STEAP1B: variants seen among roughly 807,000 people sequenced by gnomAD.
STEAP1B encodes the protein STEAP family protein MGC87042.
STEAP1B carries 13 observed loss-of-function variants against 27.9 expected under a neutral mutation model. That is an observed-to-expected ratio of 0.47 (90% confidence interval 0.30 to 0.74). STEAP1B has a LOEUF of 0.74. STEAP1B is among the 30% of genes least tolerant of loss of function. The pLI, the probability that STEAP1B is intolerant of heterozygous loss-of-function variation, is 0.06. For missense variants in STEAP1B, 250 were observed against 298.7 expected, an observed-to-expected ratio of 0.84 and a Z score of 1.20; for synonymous variants, 86 against 107.1, an observed-to-expected ratio of 0.80 and a Z score of 1.22.
intron 4 of STEAP1B, among the ~76,000 whole-genome samples, chr7:22,435,741 G>C (rs961400220): frequency 1.3e-5 from 2 of 152,236 alleles, no homozygotes; most frequent in Non-Finnish European, 2.9e-5. Flanking sequence ...ACCGTGGGCA[G>C]AGAGGTAAAG....
At chr7:22,425,616 T>TC (rs1375800116) in intron 4 of STEAP1B, among the ~76,000 whole-genome samples, 2 of 152,220 alleles carry the variant, frequency 1.3e-5, no homozygotes, top group Non-Finnish European at 2.9e-5. Context: ...TACAGACTGT[T>TC]TCCTGTTACA....
rs529028054 is a variant in STEAP1B at position 22,487,939 on chromosome 7, T to C, written c.762+4626A>G. On this transcript the variant is annotated intron_variant, in intron 4 of 4. Transcript: ENST00000678116. Reference sequence around the variant, plus strand: ...TTATATTAGCATCTGTATCTCTGAATAATTGAAATCAGGACTGCCCCCAGA... The same window carrying C: ...TTATATTAGCATCTGTATCTCTGAACAATTGAAATCAGGACTGCCCCCAGA... Among the ~76,000 whole-genome samples, 136 of 152,006 alleles carry C rather than the reference T, an allele frequency of 8.9e-4. 1 individual carries two copies. The highest frequency in any genetic ancestry group is 3.0e-3 in the African/African-American group (126 of 41,422).
chr7:22,419,516 T>C lies in STEAP1B; in HGVS notation c.*288A>G, dbSNP rs1583623988. The C allele has an allele frequency of 3.9e-6, 1 of 256,574 alleles. No homozygotes were observed. Among genetic ancestry groups the C allele is most frequent in the Non-Finnish European group, 7.4e-6 (1 of 135,066 alleles). 15.9% of individuals were successfully genotyped at this position (256,574 alleles called of 1,614,324 possible). A position where few individuals can be genotyped will look rare whatever the true frequency, so the allele number is the denominator to read the frequency against. On this transcript the variant is annotated 3_prime_UTR_variant, in exon 5 of 5. Coordinates refer to ENST00000678116, the MANE Select transcript of STEAP1B (RefSeq NM_001382447.1). ...ACTTTATAAACACATTTGATTATCA[T>C]GTCTGATCCTCGTGTCGGGATAGGC...
intron 4 of STEAP1B, among the ~76,000 whole-genome samples, chr7:22,462,834 T>C (rs1011969237): frequency 3.1e-4 from 47 of 151,602 alleles, no homozygotes; most frequent in Middle Eastern, 6.9e-3. Flanking sequence ...TTGAACTAGT[T>C]TACAGTCCCA....
intron 4 of STEAP1B, among the ~76,000 whole-genome samples, chr7:22,487,569 G>GGC (rs1349703918): frequency 4.6e-5 from 6 of 130,012 alleles, no homozygotes; most frequent in Non-Finnish European, 1.0e-4. Context: ...GGATGGCGGG[G>GGC]GCGGGGGGGT....
chr7:22,430,831 C>T (rs1434684403), intron 4 of STEAP1B, among the ~76,000 whole-genome samples: 1 of 152,256 alleles, frequency 6.6e-6, no homozygotes, highest in African/African-American at 2.4e-5. Context: ...CTTGGGTCTT[C>T]CTCATTTGCT....
intron 4 of STEAP1B, among the ~76,000 whole-genome samples, chr7:22,488,802 C>G (rs1223958765): frequency 6.6e-6 from 1 of 152,182 alleles, no homozygotes; most frequent in African/African-American, 2.4e-5. Flanking sequence ...CCTTACACCC[C>G]AGTCATGCAG....
At chr7:22,465,882 C>G (rs565306171) in intron 4 of STEAP1B, among the ~76,000 whole-genome samples, 1 of 152,180 alleles carries the variant, frequency 6.6e-6, no homozygotes, top group Non-Finnish European at 1.5e-5. Flanking sequence ...ACACTCACCT[C>G]CTAATGGCCT....
chr7:22,457,551 G>A (rs1224836331), intron 4 of STEAP1B, among the ~76,000 whole-genome samples: 3 of 152,222 alleles, frequency 2.0e-5, no homozygotes. Flanking sequence ...GAGGTAAGTG[G>A]CTTCACTAGT....
chr7:22,483,318 C>A (rs549868702), intron 4 of STEAP1B, among the ~76,000 whole-genome samples: 1 of 152,206 alleles, frequency 6.6e-6, no homozygotes, highest in East Asian at 1.9e-4. Context: ...GATCGTTATT[C>A]CACATATGGA....
At chr7:22,447,185 ACTGATGT>A (rs1191223895) in intron 4 of STEAP1B, among the ~76,000 whole-genome samples, 1 of 152,160 alleles carries the variant, frequency 6.6e-6, no homozygotes, top group East Asian at 1.9e-4. Context: ...CTGGGACATC[ACTGATGT>A]CTCAGTAATG....
chr7:22,444,224 G>C (rs1203856578), intron 4 of STEAP1B, among the ~76,000 whole-genome samples: 1 of 152,124 alleles, frequency 6.6e-6, no homozygotes, highest in Non-Finnish European at 1.5e-5. Flanking sequence ...AAGGAGTGAG[G>C]GTACCTGTAC....
At position 22,441,873 on chromosome 7, in the gene STEAP1B, T is replaced by C. The variant is rs146356130; in HGVS notation, c.763-22037A>G. 1.1e-3 allele frequency among the ~76,000 whole-genome samples: 161 copies of C among 152,394 alleles called. 1 individual carries two copies. The highest frequency in any genetic ancestry group is 2.8e-3 in the African/African-American group (118 of 41,604). ...ACTGAAATACTGCTTTGGAGCAGTC[T>C]GACAGATGTGCTCCTGGCCTACAGG... On this transcript the variant is annotated intron_variant, in intron 4 of 4. Transcript: ENST00000678116.
At chr7:22,456,972 A>ATATATATATTT in intron 4 of STEAP1B, among the ~76,000 whole-genome samples, 32 of 57,074 alleles carry the variant, frequency 5.6e-4, no homozygotes, top group African/African-American at 2.2e-3. Flanking sequence ...ATATATATAT[A>ATATATATATTT]TTTTTTTTTT....
intron 4 of STEAP1B, among the ~76,000 whole-genome samples, chr7:22,453,719 C>T (rs547798202): frequency 1.2e-3 from 190 of 152,296 alleles, no homozygotes; most frequent in African/African-American, 4.3e-3. Flanking sequence ...ACATCCCTGT[C>T]CCTAGATGTA....
chr7:22,475,668 A>G (rs59758904), intron 4 of STEAP1B, among the ~76,000 whole-genome samples: 2,601 of 152,236 alleles, frequency 0.017, 85 homozygotes, highest in African/African-American at 0.06. Flanking sequence ...CCTGAGAATG[A>G]CCCTGCATGG....
At chr7:22,478,326 G>A (rs1356273665) in intron 4 of STEAP1B, among the ~76,000 whole-genome samples, 6 of 152,218 alleles carry the variant, frequency 3.9e-5, no homozygotes, top group African/African-American at 1.4e-4. Flanking sequence ...TTGTTGCTAA[G>A]AAAACAAAGA....
chr7:22,464,673 A>T (rs376423587), intron 4 of STEAP1B, among the ~76,000 whole-genome samples: 2 of 151,872 alleles, frequency 1.3e-5, no homozygotes, highest in African/African-American at 4.8e-5. Flanking sequence ...CACATCAGAG[A>T]TGCACGCACA....
intron 4 of STEAP1B, among the ~76,000 whole-genome samples, chr7:22,489,081 A>G (rs1169143006): frequency 7.2e-5 from 11 of 152,224 alleles, no homozygotes; most frequent in Non-Finnish European, 1.6e-4. Context: ...GATTCAAACC[A>G]GGCAGGGAGA....
Sources: gnomAD v4.1 joint callset for allele counts (sites outside exome capture counted in the v4.1 genomes callset) on GRCh38, gnomAD v4.1.1 for gene constraint, MANE v1.5 for transcripts, NCBI Gene and HGNC (gene_info 2026-07-23, HGNC 2026-07-21) for gene names.